Variants in DMD observed in about 807,000 individuals in gnomAD.
DMD encodes the protein mutant dystrophin.
Under a neutral mutation model 330.1 loss-of-function variants are expected in DMD, and 63 were observed. That is an observed-to-expected ratio of 0.19 (90% CI 0.16 to 0.24). DMD has a LOEUF of 0.24. Ranked by LOEUF, DMD falls within the 10% of genes least tolerant of loss-of-function variation. The pLI is 1.00. For missense variants in DMD, 3,344 were observed against 2,684.1 expected, an observed-to-expected ratio of 1.25 and a Z score of -5.43; for synonymous variants, 1,223 against 959.8, an observed-to-expected ratio of 1.27 and a Z score of -5.07.
At chrX:32,276,879 C>G (rs1411776187) in intron 43 of DMD, among the ~76,000 whole-genome samples, 2 of 109,707 alleles carry the variant, frequency 1.8e-5, no homozygotes, top group African/African-American at 3.3e-5. Context: ...GAGATCCTGT[C>G]ACAGCACTCC....
chrX:32,633,017 T>A (rs2058847452), intron 11 of DMD, among the ~76,000 whole-genome samples: 1 of 112,531 alleles, frequency 8.9e-6, no homozygotes, highest in Non-Finnish European at 1.9e-5. Context: ...CACATATCCA[T>A]GTTGCAAATT....
chrX:33,161,245 A>C (rs2048758757), intron 1 of DMD, among the ~76,000 whole-genome samples: 2 of 111,707 alleles, frequency 1.8e-5, no homozygotes, highest in Non-Finnish European at 3.8e-5. Flanking sequence ...TTCTAAGGGT[A>C]TCACAAATGG....
At chrX:31,631,229 G>C in intron 54 of DMD, among the ~76,000 whole-genome samples, 1 of 110,272 alleles carries the variant, frequency 9.1e-6, no homozygotes, top group Middle Eastern at 4.6e-3. Flanking sequence ...AACCAGATTT[G>C]AGAACGACTG....
intron 59 of DMD, among the ~76,000 whole-genome samples, chrX:31,474,724 AAAT>A (rs1238512057): frequency 6.9e-5 from 7 of 102,159 alleles, no homozygotes; most frequent in African/African-American, 2.2e-4. Flanking sequence ...AAATAAAATA[AAAT>A]AAAATAAAAT....
intron 55 of DMD, among the ~76,000 whole-genome samples, chrX:31,602,185 G>A (rs1050778383): frequency 2.7e-5 from 3 of 110,883 alleles, no homozygotes; most frequent in African/African-American, 9.8e-5. Context: ...TGACCTTCAC[G>A]TTTGTGACCC....
rs774519189 is a variant in DMD, at chrX:32,634,833, T to A, written c.1331+9299A>T. Among the ~76,000 whole-genome samples the A allele has an allele frequency of 3.6e-5, 4 of 112,078 alleles. No homozygotes were observed. The South Asian group carries it at 1.5e-3, about 42-fold the overall frequency. ...GGGGAAGGGAAGCACAAGCAGTCCC[T>A]TAGCTGCCCCAGCGGATGTCTCACT... On this transcript the variant is annotated intron_variant, in intron 11 of 78. Coordinates refer to ENST00000357033, the MANE Select transcript of DMD (RefSeq NM_004006.3).
intron 53 of DMD, among the ~76,000 whole-genome samples, chrX:31,677,238 C>T (rs1466561995): frequency 9.0e-6 from 1 of 111,389 alleles, no homozygotes; most frequent in African/African-American, 3.3e-5. Context: ...AAGCTACTTG[C>T]TCTTCTAAGA....
chrX:32,673,027 CTGTATGTGTG>C (rs1362499217), intron 9 of DMD, among the ~76,000 whole-genome samples: 2 of 111,009 alleles, frequency 1.8e-5, no homozygotes, highest in Non-Finnish European at 3.8e-5. Context: ...TGGATGTTTT[CTGTATGTGTG>C]TGTATGTGTA....
At chrX:32,614,761 A>G (rs1352530272) in intron 11 of DMD, among the ~76,000 whole-genome samples, 2 of 111,513 alleles carry the variant, frequency 1.8e-5, no homozygotes, top group East Asian at 5.7e-4. Flanking sequence ...TTGTTCGTTT[A>G]CATTCTCATT....
chrX:33,325,167 A>G (rs2054071878), intron 1 of DMD, among the ~76,000 whole-genome samples: 2 of 111,992 alleles, frequency 1.8e-5, no homozygotes, highest in Non-Finnish European at 3.8e-5. Context: ...AAATTCCACT[A>G]TGTATAAAAA....
intron 62 of DMD, among the ~76,000 whole-genome samples, chrX:31,313,166 TA>T (rs755202886): frequency 4.9e-3 from 476 of 97,055 alleles, no homozygotes; most frequent in African/African-American, 0.011. Flanking sequence ...TTTTAAAAAT[TA>T]AAAAAAAAAA....
chrX:32,150,493 T>C (rs1044677398), intron 44 of DMD, among the ~76,000 whole-genome samples: 2 of 111,823 alleles, frequency 1.8e-5, no homozygotes, highest in Non-Finnish European at 3.8e-5. Flanking sequence ...AATGCTTGAA[T>C]ACCTGCCACC....
At chrX:32,391,712 G>A (rs937803834) in intron 30 of DMD, among the ~76,000 whole-genome samples, 3 of 111,820 alleles carry the variant, frequency 2.7e-5, no homozygotes, top group South Asian at 3.7e-4. Context: ...GGTGCATGAC[G>A]TTATTTATAG....
At chrX:32,503,607 G>A (rs1314983149) in intron 18 of DMD, among the ~76,000 whole-genome samples, 2 of 111,435 alleles carry the variant, frequency 1.8e-5, no homozygotes, top group Non-Finnish European at 3.8e-5. Context: ...CCAGGCTGGA[G>A]TGCAGTGGCA....
At chrX:31,530,555 T>A (rs139550165) in intron 55 of DMD, among the ~76,000 whole-genome samples, 2,740 of 107,640 alleles carry the variant, frequency 0.025, 37 homozygotes, top group Middle Eastern at 0.053. Context: ...ATGAAAGACA[T>A]CAAGTACCAG....
chrX:32,548,353 A>G (rs1397401876), intron 16 of DMD, among the ~76,000 whole-genome samples: 1 of 111,876 alleles, frequency 8.9e-6, no homozygotes, highest in Non-Finnish European at 1.9e-5. Context: ...TTCTCTTTAA[A>G]TGTTATGAAA....
At chrX:32,548,849 T>G (rs2049240413) in intron 16 of DMD, among the ~76,000 whole-genome samples, 1 of 111,536 alleles carries the variant, frequency 9.0e-6, no homozygotes, top group African/African-American at 3.2e-5. Context: ...TGAGGAAAAC[T>G]TCAAGCATGA....
intron 43 of DMD, among the ~76,000 whole-genome samples, chrX:32,256,984 A>T (rs964738920): frequency 9.0e-6 from 1 of 111,424 alleles, no homozygotes; most frequent in African/African-American, 3.3e-5. Flanking sequence ...ATACAAAATC[A>T]AAGTGAAAAG....
At chrX:32,804,977 C>G (rs1229033977) in intron 7 of DMD, among the ~76,000 whole-genome samples, 1 of 111,890 alleles carries the variant, frequency 8.9e-6, no homozygotes, top group Non-Finnish European at 1.9e-5. Flanking sequence ...TGTCAAAGAT[C>G]AAAGGTAGAT....
Sources: gnomAD v4.1 joint callset for allele counts (sites outside exome capture counted in the v4.1 genomes callset) on GRCh38, gnomAD v4.1.1 for gene constraint, MANE v1.5 for transcripts, NCBI Gene and HGNC (gene_info 2026-07-23, HGNC 2026-07-21) for gene names.